Variants in DOCK1 observed in about 807,000 individuals in gnomAD.
DOCK1 encodes the protein dedicator of cytokinesis protein 1.
A neutral mutation model predicts 262.7 loss-of-function variants in DOCK1; 138 were observed. The ratio of observed to expected loss-of-function variants is 0.53; its 90% CI spans 0.46 to 0.61. DOCK1 has a LOEUF of 0.61. Ranked by LOEUF, DOCK1 falls within the 20% of genes least tolerant of loss-of-function variation. The probability of loss-of-function intolerance (pLI) is 0.00; values close to 1 mark genes in which losing one functional copy is unlikely to be tolerated. For synonymous variants in DOCK1, 866 were observed against 867.4 expected (o/e 1.00, Z 0.03); for missense variants, 1,908 against 2,370.7 (o/e 0.80, Z 4.05).
chr10:127,181,848 T>A (rs989399480), intron 27 of DOCK1, among the ~76,000 whole-genome samples: 2 of 152,138 alleles, frequency 1.3e-5, no homozygotes, highest in African/African-American at 4.8e-5. Context: ...GCCAATTGAG[T>A]CTTCAGAACT....
chr10:126,995,215 C>T lies in DOCK1; in HGVS notation c.474-1533C>T, dbSNP rs1229956071. On this transcript the variant is annotated intron_variant, in intron 6 of 51. Coordinates refer to ENST00000623213, the MANE Select transcript of DOCK1 (RefSeq NM_001290223.2). The surrounding 1 kb of genome is among the most constrained non-coding windows in gnomAD (Gnocchi z 5.8). ...CCCAGACTGGGTGGCCGGGCAGACA[C>T]GCTCCTCACTTCCCAGACGGGGTGG... Among the ~76,000 whole-genome samples, 8 of 151,706 alleles carry T rather than the reference C, an allele frequency of 5.3e-5. No individual in the cohort carries two copies. Among genetic ancestry groups the T allele is most frequent in the South Asian group, 2.1e-4 (1 of 4,786 alleles).
At chr10:127,430,492 C>G (rs1467467160) in intron 47 of DOCK1, among the ~76,000 whole-genome samples, 1 of 152,166 alleles carries the variant, frequency 6.6e-6, no homozygotes, top group African/African-American at 2.4e-5. Flanking sequence ...GTTTCAGATG[C>G]AGAGCTGATG....
At chr10:127,083,872 A>G (rs2047050744) in intron 23 of DOCK1, among the ~76,000 whole-genome samples, 1 of 152,218 alleles carries the variant, frequency 6.6e-6, no homozygotes. Flanking sequence ...GCTTTAACGT[A>G]GGGTTAGGAT....
chr10:127,253,966 T>A (rs886495922), intron 28 of DOCK1, among the ~76,000 whole-genome samples: 1 of 151,592 alleles, frequency 6.6e-6, no homozygotes, highest in Non-Finnish European at 1.5e-5. Context: ...GTCATGTGTC[T>A]CCAAGTGTCT....
At chr10:127,005,427 A>G (rs752896537) in intron 10 of DOCK1, among the ~76,000 whole-genome samples, 20 of 152,126 alleles carry the variant, frequency 1.3e-4, no homozygotes, top group African/African-American at 2.2e-4. Context: ...GGCTACTTCA[A>G]TTTCCACATG....
intron 29 of DOCK1, among the ~76,000 whole-genome samples, chr10:127,308,732 AG>A (rs1261340105): frequency 6.6e-6 from 1 of 152,168 alleles, no homozygotes; most frequent in African/African-American, 2.4e-5. Flanking sequence ...GATGGCTTCC[AG>A]CTTCATCCAT....
intron 1 of DOCK1, among the ~76,000 whole-genome samples, chr10:126,960,807 C>CATAGATATAT (rs2037150996): frequency 1.0e-4 from 14 of 140,308 alleles, no homozygotes; most frequent in Non-Finnish European, 1.5e-4. Flanking sequence ...CACACACACA[C>CATAGATATAT]ACATAGATAT....
At chr10:126,965,572 C>T (rs1386357965) in intron 1 of DOCK1, among the ~76,000 whole-genome samples, 5 of 152,050 alleles carry the variant, frequency 3.3e-5, no homozygotes, top group African/African-American at 1.2e-4. Context: ...TCCCAGGATC[C>T]CAGGGCTGCC....
At chr10:127,359,039 A>C (rs1320578644) in intron 32 of DOCK1, among the ~76,000 whole-genome samples, 1 of 152,094 alleles carries the variant, frequency 6.6e-6, no homozygotes, top group Non-Finnish European at 1.5e-5. Flanking sequence ...TTTTTCTTTA[A>C]GTCTACACTG....
intron 1 of DOCK1, among the ~76,000 whole-genome samples, chr10:126,969,844 A>G (rs1030778945): frequency 6.6e-6 from 1 of 152,274 alleles, no homozygotes; most frequent in East Asian, 1.9e-4. Context: ...GGTGTGCCAC[A>G]ATGCAGGTGC....
Position 127,296,572 on chromosome 10 carries a change from G to T in DOCK1, c.3044+39143G>T, listed in dbSNP as rs115458403. 5.7e-4 allele frequency among the ~76,000 whole-genome samples: 87 copies of T among 152,348 alleles called. 2 individuals are homozygous for T. In the South Asian group the frequency reaches 0.014, roughly 25 times the overall value. On this transcript the variant is annotated intron_variant, in intron 29 of 51. Coordinates refer to ENST00000623213, the MANE Select transcript of DOCK1 (RefSeq NM_001290223.2). Reference sequence around the variant, plus strand: ...GCCGTCGAGGCTCTGTCTACACCAGGCAAAGAATCTTCCAGATTCCTGCTC... The same window carrying T: ...GCCGTCGAGGCTCTGTCTACACCAGTCAAAGAATCTTCCAGATTCCTGCTC...
intron 48 of DOCK1, among the ~76,000 whole-genome samples, chr10:127,433,698 T>C (rs2069459810): frequency 6.6e-6 from 1 of 152,104 alleles, no homozygotes; most frequent in Non-Finnish European, 1.5e-5. Flanking sequence ...GAGTGTTCAG[T>C]CCTCTTCAGC....
At chr10:127,126,329 T>C (rs1465997609) in intron 26 of DOCK1, among the ~76,000 whole-genome samples, 1 of 152,118 alleles carries the variant, frequency 6.6e-6, no homozygotes, top group African/African-American at 2.4e-5. Flanking sequence ...ACTCCTGACT[T>C]CGTGATCCAC....
Position 127,409,156 on chromosome 10 carries a change from T to C in DOCK1, c.4242T>C (p.Asp1414=). The C allele has an allele frequency of 1.9e-6, 3 of 1,613,522 alleles. No homozygotes were observed. Among genetic ancestry groups the C allele is most frequent in the Non-Finnish European group, 2.5e-6 (3 of 1,179,732 alleles). The change falls in exon 41 of 52, where the codon GAT becomes GAC. Residue 1414 remains aspartate, a synonymous_variant. Transcript: ENST00000623213. ...AGACAACATCTCCACCAGGCGACGATATTAAAAACTCTCCTGGCCAGTGTA... is the reference window on the plus strand; with the variant it reads ...AGACAACATCTCCACCAGGCGACGACATTAAAAACTCTCCTGGCCAGTGTA... ...KMKTTSPPGD[D]IKNSPGQYIQ...
intron 32 of DOCK1, among the ~76,000 whole-genome samples, chr10:127,361,217 C>A (rs2064412645): frequency 6.6e-6 from 1 of 150,470 alleles, no homozygotes; most frequent in Non-Finnish European, 1.5e-5. Context: ...AGGTTCACGC[C>A]ATTCTCCTGC....
chr10:127,330,684 AAGCGTAGCCTCC>A (rs2062938364), intron 29 of DOCK1, among the ~76,000 whole-genome samples: 2 of 152,254 alleles, frequency 1.3e-5, no homozygotes, highest in Admixed American at 1.3e-4. Context: ...GCAGACCAGG[AAGCGTAGCCTCC>A]AGCTTCTGCC....
At chr10:127,155,024 A>G (rs1159191351) in intron 27 of DOCK1, among the ~76,000 whole-genome samples, 1 of 152,176 alleles carries the variant, frequency 6.6e-6, no homozygotes, top group Non-Finnish European at 1.5e-5. Context: ...AGGCACAGAC[A>G]TGATAACCGG....
chr10:127,296,013 T>C (rs2061493303), intron 29 of DOCK1, among the ~76,000 whole-genome samples: 1 of 152,208 alleles, frequency 6.6e-6, no homozygotes, highest in African/African-American at 2.4e-5. Flanking sequence ...TACAGCATGC[T>C]GTTGCTGTGT....
Position 127,424,106 on chromosome 10 carries a change from G to A in DOCK1, c.4777-1768G>A, listed in dbSNP as rs1263970521. On this transcript the variant is annotated intron_variant, in intron 46 of 51. Transcript: ENST00000623213. Reference sequence around the variant, plus strand: ...TTAAGTGCTTTTTGTGCATTGGAATGTGTTTACTCAGGGCATCCTCTTATC... The same window carrying A: ...TTAAGTGCTTTTTGTGCATTGGAATATGTTTACTCAGGGCATCCTCTTATC... Among the ~76,000 whole-genome samples the A allele has an allele frequency of 1.3e-5, 2 of 152,162 alleles. 1 individual carries two copies. The highest frequency in any genetic ancestry group is 3.9e-4 in the East Asian group (2 of 5,186).
Sources: allele counts gnomAD v4.1 joint callset (sites outside exome capture counted in the v4.1 genomes callset), GRCh38; gene constraint gnomAD v4.1.1; non-coding constraint Gnocchi (gnomAD v3.1); transcripts MANE v1.5; gene names NCBI Gene and HGNC (gene_info 2026-07-23, HGNC 2026-07-21).